Variants in PDE5A observed in about 807,000 individuals in gnomAD.
The protein encoded by PDE5A is cGMP-specific 3',5'-cyclic phosphodiesterase.
In PDE5A, 67 loss-of-function variants were observed where a neutral mutation model predicts 110.2. The ratio of observed to expected loss-of-function variants is 0.61; its 90% confidence interval spans 0.50 to 0.75. The LOEUF (loss-of-function observed/expected upper bound fraction) is 0.75. PDE5A is among the 30% of genes least tolerant of loss of function. PDE5A has a pLI of 0.00. For missense variants in PDE5A, 862 were observed against 1,045.1 expected (o/e 0.82, Z 2.42); for synonymous variants, 328 against 351.2 (o/e 0.93, Z 0.74).
intron 1 of PDE5A, among the ~76,000 whole-genome samples, chr4:119,628,303 G>T (rs932273043): frequency 2.7e-5 from 4 of 149,262 alleles, no homozygotes; most frequent in African/African-American, 9.8e-5. Context: ...TGGGAGGTCG[G>T]CAAGTACATT....
intron 11 of PDE5A, among the ~76,000 whole-genome samples, chr4:119,531,927 A>C (rs1455220494): frequency 6.6e-6 from 1 of 152,152 alleles, no homozygotes; most frequent in Non-Finnish European, 1.5e-5. Flanking sequence ...CCATCTTGCT[A>C]CAGTCACAAA....
At chr4:119,501,674 C>T (rs1293837622) in intron 19 of PDE5A, among the ~76,000 whole-genome samples, 1 of 151,490 alleles carries the variant, frequency 6.6e-6, no homozygotes, top group South Asian at 2.1e-4. Flanking sequence ...GCAACTAATA[C>T]AAAAAGAAAA....
intron 3 of PDE5A, among the ~76,000 whole-genome samples, chr4:119,587,886 T>C (rs968314588): frequency 6.6e-6 from 1 of 152,336 alleles, no homozygotes; most frequent in African/African-American, 2.4e-5. Context: ...AAAGCGGCAG[T>C]CAGTACTGTG....
chr4:119,607,553 C>A (rs1371591927), intron 1 of PDE5A, among the ~76,000 whole-genome samples: 1 of 151,942 alleles, frequency 6.6e-6, no homozygotes, highest in Non-Finnish European at 1.5e-5. Context: ...CCTGGGAAAC[C>A]TAGTGAGACC....
rs201556890 is a variant in PDE5A at position 119,504,532 on chromosome 4, A to G, written c.2331+4T>C. On this transcript the variant is annotated splice_donor_region_variant and intron_variant, in intron 18 of 20. Coordinates refer to ENST00000354960, the MANE Select transcript of PDE5A (RefSeq NM_001083.4). ...ATTATTGTTATTGTCACTAAGTAAC[A>G]TACCCGTTGTTGAATAGGCCAGGGT... is the stretch of plus-strand genomic sequence containing the variant. 4 of 1,608,030 alleles carry G rather than the reference A, an allele frequency of 2.5e-6. No homozygotes were observed. In the Middle Eastern group the frequency reaches 5.0e-4, roughly 200 times the overall value.
Position 119,606,909 on chromosome 4 carries a change from A to G in PDE5A, c.541T>C (p.Ser181Pro). ...KIFLHIHGLI[S>P]ADRYSLFLVC... ...AGGAACAGGGAATAGCGGTCAGCAGATATCAGTCCATGGATATGCAAGAAA... is the reference window on the plus strand; with the variant it reads ...AGGAACAGGGAATAGCGGTCAGCAGGTATCAGTCCATGGATATGCAAGAAA... The change falls in exon 2 of 21, where the codon TCT becomes CCT. Residue 181 changes from serine to proline, a missense_variant. Transcript: ENST00000354960. 3 of 1,614,234 alleles carry G rather than the reference A, an allele frequency of 1.9e-6. No homozygotes were observed. The highest frequency in any genetic ancestry group is 1.1e-5 in the South Asian group (1 of 91,084).
At chr4:119,621,276 T>C (rs1730133243) in intron 1 of PDE5A, among the ~76,000 whole-genome samples, 1 of 152,208 alleles carries the variant, frequency 6.6e-6, no homozygotes, top group Non-Finnish European at 1.5e-5. Flanking sequence ...CAATGATATA[T>C]CACCTTATGG....
At position 119,560,456 on chromosome 4, in the gene PDE5A, A is replaced by G. The variant is rs367714920; in HGVS notation, c.1132-93T>C. On this transcript the variant is annotated intron_variant, in intron 6 of 20. Transcript: ENST00000354960. Reference sequence around the variant, plus strand: ...ATACATGCTATGGAATTGACAAAAGACCCCAATACTTGTAGTATATTTTTA... The same window carrying G: ...ATACATGCTATGGAATTGACAAAAGGCCCCAATACTTGTAGTATATTTTTA... The G allele has an allele frequency of 3.3e-4, 210 of 627,172 alleles. 2 individuals are homozygous for G. The South Asian group carries it at 6.3e-3, about 19-fold the overall frequency. The allele number at this position is 627,172 out of a possible 1,614,324, so 38.9% of individuals were successfully genotyped here.
intron 7 of PDE5A, among the ~76,000 whole-genome samples, chr4:119,556,571 T>C (rs1172585824): frequency 6.6e-6 from 1 of 152,044 alleles, no homozygotes; most frequent in African/African-American, 2.4e-5. Flanking sequence ...TTATTTTGGG[T>C]TTTCATGATC....
At chr4:119,585,549 G>T (rs1434953148) in intron 3 of PDE5A, among the ~76,000 whole-genome samples, 2 of 152,138 alleles carry the variant, frequency 1.3e-5, no homozygotes, top group Non-Finnish European at 2.9e-5. Context: ...AATGAGCAGA[G>T]TTCCTCTTTT....
At chr4:119,502,480 A>C (rs1437684375) in intron 19 of PDE5A, 101 bp downstream of exon 19, 1 of 664,826 alleles carries the variant, frequency 1.5e-6, no homozygotes, top group Non-Finnish European at 2.6e-6. Context: ...AAAATGAGAA[A>C]TTGTGGTCCT....
At chr4:119,589,346 T>C (rs921665540) in intron 3 of PDE5A, among the ~76,000 whole-genome samples, 1 of 151,974 alleles carries the variant, frequency 6.6e-6, no homozygotes, top group Non-Finnish European at 1.5e-5. Flanking sequence ...GAAGCCACTA[T>C]AAATAAAAAA....
chr4:119,578,627 C>A (rs1578794350), intron 3 of PDE5A, among the ~76,000 whole-genome samples: 1 of 151,736 alleles, frequency 6.6e-6, no homozygotes, highest in African/African-American at 2.4e-5. Flanking sequence ...GGAAAACTGG[C>A]TAGCCATATG....
chr4:119,537,122 T>TCCTGTG (rs909505043), intron 11 of PDE5A, among the ~76,000 whole-genome samples: 3 of 152,116 alleles, frequency 2.0e-5, no homozygotes, highest in Non-Finnish European at 4.4e-5. Flanking sequence ...TCACACTGAC[T>TCCTGTG]CCTGTGCCTC....
At chr4:119,575,910 A>G (rs1345004945) in intron 3 of PDE5A, among the ~76,000 whole-genome samples, 3 of 152,222 alleles carry the variant, frequency 2.0e-5, no homozygotes, top group Admixed American at 1.3e-4. Flanking sequence ...TAAAGAGTCA[A>G]GACCCATCAG....
At position 119,552,611 on chromosome 4, in the gene PDE5A, CT is replaced by C; in HGVS notation, c.1334del (p.Gln445ArgfsTer12). On this transcript the variant is annotated frameshift_variant, in exon 9 of 21. Coordinates refer to ENST00000354960, the MANE Select transcript of PDE5A (RefSeq NM_001083.4). LOFTEE classifies it high-confidence loss of function. ...TACAAAGCAAACTTCTAATGCACTG[CT>C]GGTTTACATTTCCTGTATTTTCAGT... ...WTTENTGNVN[Q>X]QCIRSLLCTP... is the part of the protein sequence containing the mutation. The C allele has an allele frequency of 6.5e-7, 1 of 1,542,976 alleles. No homozygotes were observed.
intron 5 of PDE5A, among the ~76,000 whole-genome samples, chr4:119,563,305 T>C (rs1195261413): frequency 6.6e-6 from 1 of 152,154 alleles, no homozygotes; most frequent in Non-Finnish European, 1.5e-5. Flanking sequence ...TAAGATAATA[T>C]TTATAAAGTA....
At chr4:119,614,468 G>A (rs572486859) in intron 1 of PDE5A, among the ~76,000 whole-genome samples, 3 of 152,112 alleles carry the variant, frequency 2.0e-5, no homozygotes. Flanking sequence ...ATTGTTGGCG[G>A]ATAGGCAACA....
At chr4:119,516,305 G>T (rs1192363737) in intron 14 of PDE5A, among the ~76,000 whole-genome samples, 1 of 152,214 alleles carries the variant, frequency 6.6e-6, no homozygotes, top group Non-Finnish European at 1.5e-5. Flanking sequence ...TTAATGGCAA[G>T]AATCACATTT....
Sources: allele counts gnomAD v4.1 joint callset (sites outside exome capture counted in the v4.1 genomes callset), GRCh38; gene constraint gnomAD v4.1.1; transcripts MANE v1.5; gene names NCBI Gene and HGNC (gene_info 2026-07-23, HGNC 2026-07-21).